The following DGKB variants were observed in gnomAD, a reference collection of about 807,000 sequenced individuals.
DGKB encodes 90 kDa diacylglycerol kinase.
Under a neutral mutation model 114.3 loss-of-function variants are expected in DGKB, and 67 were observed. The ratio of observed to expected loss-of-function variants is 0.59; its 90% CI spans 0.48 to 0.72. DGKB has a LOEUF of 0.72. Among genes scored for constraint, DGKB ranks in the 30% least tolerant of loss-of-function variants. The probability of loss-of-function intolerance (pLI) is 0.00; values close to 1 mark genes in which losing one functional copy is unlikely to be tolerated. For missense variants in DGKB, 907 were observed against 975.2 expected, an observed-to-expected ratio of 0.93 and a Z score of 0.93; for synonymous variants, 398 against 323.1, an observed-to-expected ratio of 1.23 and a Z score of -2.49.
At chr7:14,286,089 ATTAT>A (rs1191458330) in intron 23 of DGKB, among the ~76,000 whole-genome samples, 1 of 152,110 alleles carries the variant, frequency 6.6e-6, no homozygotes, top group Non-Finnish European at 1.5e-5. Flanking sequence ...GTCAGAAATC[ATTAT>A]TTATAATTAA....
chr7:14,536,071 C>T (rs1349803184), intron 20 of DGKB, among the ~76,000 whole-genome samples: 1 of 151,876 alleles, frequency 6.6e-6, no homozygotes, highest in Non-Finnish European at 1.5e-5. Flanking sequence ...TGAATAAATC[C>T]ATAGGAATAT....
At chr7:14,940,658 AC>A (rs1785523972) in intron 1 of DGKB, among the ~76,000 whole-genome samples, 1 of 152,152 alleles carries the variant, frequency 6.6e-6, no homozygotes, top group South Asian at 2.1e-4. Context: ...AATTGGAAAG[AC>A]TATATACTCA....
At chr7:14,493,685 G>GA (rs1784900046) in intron 20 of DGKB, among the ~76,000 whole-genome samples, 1 of 152,014 alleles carries the variant, frequency 6.6e-6, no homozygotes, top group African/African-American at 2.4e-5. Context: ...GACGGTCCAA[G>GA]ATTTCATCAT....
At chr7:14,382,491 A>G (rs1402254688) in intron 21 of DGKB, among the ~76,000 whole-genome samples, 1 of 152,032 alleles carries the variant, frequency 6.6e-6, no homozygotes, top group East Asian at 1.9e-4. Context: ...CATATATCCT[A>G]AAGTTTGTGA....
intron 22 of DGKB, among the ~76,000 whole-genome samples, chr7:14,343,290 A>T (rs1013725248): frequency 3.3e-5 from 5 of 151,726 alleles, no homozygotes; most frequent in Non-Finnish European, 5.9e-5. Flanking sequence ...TAAGCCAGGG[A>T]TGCAGAGCTA....
intron 23 of DGKB, among the ~76,000 whole-genome samples, chr7:14,290,475 T>G (rs1471536992): frequency 6.6e-6 from 1 of 152,110 alleles, no homozygotes; most frequent in East Asian, 1.9e-4. Context: ...CCATGGAGTT[T>G]TATTTTTCAC....
chr7:14,377,325 C>G lies in DGKB; in HGVS notation c.1836-31934G>C, dbSNP rs1258394104. Among the ~76,000 whole-genome samples, 3 of 152,210 alleles carry G rather than the reference C, an allele frequency of 2.0e-5. No homozygotes were observed. In the East Asian group the frequency reaches 5.8e-4, roughly 29 times the overall value. The stretch of plus-strand genomic sequence containing the variant: ...AATGGTTTCATTAATTTAACAATCA[C>G]TCAATGTCATATCTATTATAATGTA... On this transcript the variant is annotated intron_variant, in intron 21 of 25. Transcript: ENST00000402815.
intron 1 of DGKB, among the ~76,000 whole-genome samples, chr7:14,878,839 C>T (rs1254781897): frequency 6.7e-6 from 1 of 150,016 alleles, no homozygotes; most frequent in African/African-American, 2.4e-5. Flanking sequence ...ATCTCACAAA[C>T]TAATTTTTCT....
At chr7:14,418,001 G>C (rs979457529) in intron 21 of DGKB, among the ~76,000 whole-genome samples, 51 of 150,976 alleles carry the variant, frequency 3.4e-4, no homozygotes, top group African/African-American at 1.1e-3. Flanking sequence ...CTGATGCCTG[G>C]TCATCATTTG....
rs1834500972 is a variant in DGKB, at chr7:14,754,045, T to C, written c.148-97A>G. 4.5e-6 allele frequency: 4 copies of C among 890,660 alleles called. No individual in the cohort carries two copies. The South Asian group carries it at 4.8e-5, about 11-fold the overall frequency. The allele number at this position is 890,660 out of a possible 1,614,324, so 55.2% of individuals were successfully genotyped here. ...GATTATTTAGCTAAAAGTTCAAGTT[T>C]ACAGGTTGATTTTAAAACACACCCT... On this transcript the variant is annotated intron_variant, in intron 3 of 25. Coordinates refer to ENST00000402815, the MANE Select transcript of DGKB (RefSeq NM_001350709.2).
intron 1 of DGKB, among the ~76,000 whole-genome samples, chr7:14,886,128 G>C (rs1010538017): frequency 2.6e-5 from 4 of 151,952 alleles, no homozygotes; most frequent in Middle Eastern, 6.8e-3. Context: ...GTAAGAGTTT[G>C]TAATTGTCTA....
chr7:14,708,797 C>G (rs1826783518), intron 6 of DGKB, among the ~76,000 whole-genome samples: 1 of 149,496 alleles, frequency 6.7e-6, no homozygotes. Flanking sequence ...TTCCTTACAC[C>G]TTATACAAAA....
chr7:14,962,464 T>C (rs1202473507), intron 1 of DGKB, among the ~76,000 whole-genome samples: 2 of 152,186 alleles, frequency 1.3e-5, no homozygotes, highest in Non-Finnish European at 2.9e-5. Context: ...GTATAGAGTA[T>C]GTGTTCATAT....
At chr7:14,191,099 C>G (rs141458963) in intron 23 of DGKB, 3 of 160,514 alleles carry the variant, frequency 1.9e-5, no homozygotes, top group African/African-American at 7.2e-5. Context: ...TTGCGAAAAA[C>G]GTGAATACAG....
At chr7:14,179,866 G>A (rs973975561) in intron 23 of DGKB, among the ~76,000 whole-genome samples, 1 of 152,132 alleles carries the variant, frequency 6.6e-6, no homozygotes, top group Non-Finnish European at 1.5e-5. Flanking sequence ...CCACCTTGCT[G>A]TTCTAAACCC....
intron 17 of DGKB, among the ~76,000 whole-genome samples, chr7:14,591,044 G>T (rs1220576801): frequency 6.6e-6 from 1 of 152,096 alleles, no homozygotes; most frequent in African/African-American, 2.4e-5. Flanking sequence ...AGGTACAGAG[G>T]AAAACAGCTG....
intron 17 of DGKB, among the ~76,000 whole-genome samples, chr7:14,602,442 C>T (rs970086851): frequency 1.9e-4 from 29 of 152,238 alleles, no homozygotes; most frequent in African/African-American, 6.3e-4. Context: ...AAAATTAATG[C>T]TTAAAATTAG....
At chr7:14,291,569 T>C (rs189313019) in intron 23 of DGKB, among the ~76,000 whole-genome samples, 14 of 152,244 alleles carry the variant, frequency 9.2e-5, no homozygotes, top group African/African-American at 3.4e-4. Flanking sequence ...ATCTACAGTT[T>C]TTGAGGTTCT....
At chr7:14,780,629 A>C (rs942459915) in intron 2 of DGKB, among the ~76,000 whole-genome samples, 30 of 136,800 alleles carry the variant, frequency 2.2e-4, no homozygotes, top group Admixed American at 1.4e-3. Context: ...GATGTTCCAC[A>C]GATTTTTTTT....
Sources: gnomAD v4.1 joint callset for allele counts (sites outside exome capture counted in the v4.1 genomes callset) on GRCh38, gnomAD v4.1.1 for gene constraint, MANE v1.5 for transcripts, NCBI Gene and HGNC (gene_info 2026-07-23, HGNC 2026-07-21) for gene names.